The following TACR1 variants were observed in gnomAD, a reference collection of about 807,000 sequenced individuals.
TACR1 encodes the protein substance-P receptor.
Under a neutral mutation model 35.8 loss-of-function variants are expected in TACR1, and 25 were observed. The ratio of observed to expected loss-of-function variants is 0.70; its 90% CI spans 0.51 to 0.98. TACR1 has a LOEUF of 0.98. TACR1 is among the 50% of genes least tolerant of loss of function. The pLI, the probability that TACR1 is intolerant of heterozygous loss-of-function variation, is 0.00. For synonymous variants in TACR1, 195 were observed against 206.7 expected, an observed-to-expected ratio of 0.94 and a Z score of 0.48; for missense variants, 478 against 522.9, an observed-to-expected ratio of 0.91 and a Z score of 0.84.
At chr2:75,081,692 C>T (rs1283038471) in intron 2 of TACR1, among the ~76,000 whole-genome samples, 1 of 152,038 alleles carries the variant, frequency 6.6e-6, no homozygotes, top group African/African-American at 2.4e-5. Context: ...CCAAGGAGTC[C>T]AGGGGTTCAA....
At chr2:75,152,387 T>G (rs1302606494) in intron 1 of TACR1, among the ~76,000 whole-genome samples, 1 of 152,202 alleles carries the variant, frequency 6.6e-6, no homozygotes, top group Non-Finnish European at 1.5e-5. Flanking sequence ...TGATAGTGAA[T>G]AAGTCTCATG....
intron 2 of TACR1, among the ~76,000 whole-genome samples, chr2:75,096,144 G>A (rs539133954): frequency 6.6e-6 from 1 of 152,180 alleles, no homozygotes; most frequent in Non-Finnish European, 1.5e-5. Flanking sequence ...GCTCTTTTGG[G>A]CACTGGGGAG....
intron 1 of TACR1, among the ~76,000 whole-genome samples, chr2:75,194,843 T>C (rs999736484): frequency 1.3e-5 from 2 of 152,174 alleles, no homozygotes; most frequent in Admixed American, 1.3e-4. Context: ...CCAGTGCTTG[T>C]CTGGACCTCG....
intron 1 of TACR1, among the ~76,000 whole-genome samples, chr2:75,177,626 G>A (rs892630679): frequency 2.2e-4 from 34 of 151,844 alleles, no homozygotes; most frequent in Non-Finnish European, 4.4e-4. Context: ...TCCTACCCAC[G>A]TCCTTGCTTC....
At chr2:75,182,178 G>C (rs1423076851) in intron 1 of TACR1, among the ~76,000 whole-genome samples, 1 of 152,172 alleles carries the variant, frequency 6.6e-6, no homozygotes, top group Admixed American at 6.5e-5. Context: ...GGAAAGCTAA[G>C]AGTGAAAAAG....
intron 2 of TACR1, among the ~76,000 whole-genome samples, chr2:75,097,590 A>G (rs1219642013): frequency 6.6e-6 from 1 of 152,222 alleles, no homozygotes; most frequent in Non-Finnish European, 1.5e-5. Flanking sequence ...GAGTCATCAC[A>G]GAAGACTGTG....
chr2:75,128,160 C>G (rs1252340278), intron 1 of TACR1, among the ~76,000 whole-genome samples: 1 of 152,206 alleles, frequency 6.6e-6, no homozygotes, highest in Admixed American at 6.5e-5. Flanking sequence ...CCAAAGAACT[C>G]CATCTTCATT....
intron 2 of TACR1, among the ~76,000 whole-genome samples, chr2:75,097,237 G>A (rs1246414049): frequency 6.6e-6 from 1 of 151,776 alleles, no homozygotes; most frequent in African/African-American, 2.4e-5. Flanking sequence ...ATAGCGAAGT[G>A]TTTTTTTTCA....
chr2:75,179,271 G>A, intron 1 of TACR1, among the ~76,000 whole-genome samples: 1 of 151,902 alleles, frequency 6.6e-6, no homozygotes. Context: ...CAAATCCTTT[G>A]ACTTTACTTT....
At chr2:75,080,388 T>G (rs1428380521) in intron 2 of TACR1, among the ~76,000 whole-genome samples, 2 of 152,200 alleles carry the variant, frequency 1.3e-5, no homozygotes, top group African/African-American at 4.8e-5. Context: ...CACTTGAGCA[T>G]CTATCGCCAT....
At chr2:75,146,597 G>T (rs1049711948) in intron 1 of TACR1, among the ~76,000 whole-genome samples, 1 of 152,160 alleles carries the variant, frequency 6.6e-6, no homozygotes. Context: ...GCAGCTGTGG[G>T]GGTACCAAAG....
At chr2:75,185,209 G>T (rs893457342) in intron 1 of TACR1, among the ~76,000 whole-genome samples, 9 of 151,868 alleles carry the variant, frequency 5.9e-5, no homozygotes, top group Non-Finnish European at 8.8e-5. Flanking sequence ...ATTTAAAAAA[G>T]AGGTAATCTA....
At chr2:75,104,715 ACAAAT>A (rs1276103040) in intron 2 of TACR1, among the ~76,000 whole-genome samples, 1 of 152,104 alleles carries the variant, frequency 6.6e-6, no homozygotes, top group African/African-American at 2.4e-5. Flanking sequence ...ATATGAAACT[ACAAAT>A]CAATAACAGG....
chr2:75,171,969 TG>T, intron 1 of TACR1, among the ~76,000 whole-genome samples: 1 of 152,214 alleles, frequency 6.6e-6, no homozygotes, highest in South Asian at 2.1e-4. Flanking sequence ...TGGGAAGGCA[TG>T]ATTGGTTTGG....
intron 1 of TACR1, among the ~76,000 whole-genome samples, chr2:75,137,133 G>C (rs143757550): frequency 2.6e-5 from 4 of 152,262 alleles, no homozygotes; most frequent in Non-Finnish European, 4.4e-5. Flanking sequence ...ACCTCAGTGA[G>C]TATGTAGGCT....
intron 1 of TACR1, among the ~76,000 whole-genome samples, chr2:75,177,162 A>C (rs1572981897): frequency 1.4e-5 from 2 of 138,792 alleles, no homozygotes; most frequent in Admixed American, 7.3e-5. Context: ...TTCAGACCCC[A>C]CCCCCTCTGA....
chr2:75,049,745 A>AGGTG lies in TACR1; in HGVS notation c.933-26_933-23dup, dbSNP rs544828571. On this transcript the variant is annotated intron_variant, in intron 4 of 4. Transcript: ENST00000305249. Reference sequence around the variant, plus strand: ...GAACCTGGAGAGCGAGCAGATGAAGAGGTGACCCTTTGGGACGGCCTGCTC... The same window carrying AGGTG: ...GAACCTGGAGAGCGAGCAGATGAAGAGGTGGGTGACCCTTTGGGACGGCCTGCTC... 3.8e-4 allele frequency: 610 copies of AGGTG among 1,603,916 alleles called. 5 individuals are homozygous for AGGTG. The South Asian group carries it at 4.2e-3, about 11-fold the overall frequency.
rs1415486450 is a variant in TACR1, at chr2:75,051,465, C to G, written c.736-18G>C. The G allele has an allele frequency of 6.2e-7, 1 of 1,613,156 alleles. No homozygotes were observed. The highest frequency in any genetic ancestry group is 8.5e-7 in the Non-Finnish European group (1 of 1,179,664). ...TTGACCACCTGGCAAGAGGGTGAGA[C>G]AGGTGAGACCACCAGCACATCCCCC... On this transcript the variant is annotated intron_variant, in intron 3 of 4. Coordinates refer to ENST00000305249, the MANE Select transcript of TACR1 (RefSeq NM_001058.4).
chr2:75,197,958 T>G (rs1676033174), intron 1 of TACR1, among the ~76,000 whole-genome samples: 1 of 152,158 alleles, frequency 6.6e-6, no homozygotes, highest in Non-Finnish European at 1.5e-5. Context: ...GATGAAATGC[T>G]CTTTCACATC....
Sources: gnomAD v4.1 joint callset for allele counts (sites outside exome capture counted in the v4.1 genomes callset) on GRCh38, gnomAD v4.1.1 for gene constraint, MANE v1.5 for transcripts, NCBI Gene and HGNC (gene_info 2026-07-23, HGNC 2026-07-21) for gene names.